The following APPL1 variants were observed in gnomAD, a reference collection of about 807,000 sequenced individuals.
The protein encoded by APPL1 is DCC-interacting protein 13-alpha.
APPL1 carries 42 observed loss-of-function variants against 106.8 expected under a neutral mutation model. The ratio of observed to expected loss-of-function variants is 0.39; its 90% confidence interval spans 0.31 to 0.51. The LOEUF (loss-of-function observed/expected upper bound fraction) is 0.51. APPL1 is among the 20% of genes least tolerant of loss of function. The pLI, the probability that APPL1 is intolerant of heterozygous loss-of-function variation, is 0.75. For missense variants in APPL1, 769 were observed against 858.2 expected (o/e 0.90, Z 1.30); for synonymous variants, 263 against 281.8 (o/e 0.93, Z 0.67).
chr3:57,240,413 G>GGTTAA, intron 4 of APPL1, 52 bp from the exon 5 acceptor site: 1 of 1,358,668 alleles, frequency 7.4e-7, no homozygotes, highest in Non-Finnish European at 1.1e-6. Context: ...ACATAACACT[G>GGTTAA]GTTAAATGTC....
chr3:57,244,392 G>T (rs745960828), intron 7 of APPL1, among the ~76,000 whole-genome samples: 1 of 152,172 alleles, frequency 6.6e-6, no homozygotes, highest in Non-Finnish European at 1.5e-5. Context: ...CTGACTTCAG[G>T]TGATCTGCCT....
intron 13 of APPL1, 77 bp from the exon 14 acceptor site, chr3:57,256,880 A>G (rs2060839405): frequency 8.8e-7 from 1 of 1,131,236 alleles, no homozygotes. Context: ...AAGCATTCTA[A>G]CAATTCAGAG....
chr3:57,227,846 G>GC lies in APPL1; in HGVS notation c.-37dup. 2.8e-6 allele frequency: 4 copies of GC among 1,443,384 alleles called. No homozygotes were observed. The South Asian group carries it at 5.3e-5, about 19-fold the overall frequency. 89.4% of individuals were successfully genotyped at this position (1,443,384 alleles called of 1,614,324 possible). A position where few individuals can be genotyped will look rare whatever the true frequency, so the allele number is the denominator to read the frequency against. ...GGGCCGGCGCGGGGAGCTGTGGGCG[G>GC]CAGCTGCGTCTCCTGCCACCGCCCT... On this transcript the variant is annotated 5_prime_UTR_variant, in exon 1 of 22. Transcript: ENST00000288266.
chr3:57,246,324 C>G (rs2060773890), intron 8 of APPL1, 102 bp downstream of exon 8: 5 of 841,902 alleles, frequency 5.9e-6, no homozygotes, highest in Non-Finnish European at 8.3e-6. Flanking sequence ...TTTTCAACAT[C>G]CTTGTTTATG....
chr3:57,248,442 G>T (rs1436857615), intron 10 of APPL1, 91 bp downstream of exon 10: 12 of 1,417,724 alleles, frequency 8.5e-6, no homozygotes, highest in Non-Finnish European at 1.1e-5. Context: ...GTCATATTTT[G>T]ATTTTTATTA....
At chr3:57,254,904 C>A (rs1179488292) in intron 13 of APPL1, among the ~76,000 whole-genome samples, 1 of 152,220 alleles carries the variant, frequency 6.6e-6, no homozygotes, top group Non-Finnish European at 1.5e-5. Context: ...GGATTACAGG[C>A]GTGAGCCACC....
intron 5 of APPL1, among the ~76,000 whole-genome samples, chr3:57,241,130 A>G (rs749916828): frequency 3.9e-5 from 6 of 152,308 alleles, no homozygotes; most frequent in Admixed American, 6.5e-5. Context: ...GGAGAAGCCA[A>G]TGGGGGTCTT....
rs1182369960 is a variant in APPL1, at chr3:57,269,552, A to T, written c.1995A>T (p.Glu665Asp). The stretch of plus-strand genomic sequence containing the variant: ...GTCTTTTCCACTAGGACTTGGAAGA[A>T]CAAAGTCGGTTGATAGCTGCTTCCA... ...KQKQIEKDLE[E>D]QSRLIAASSR... The change falls in exon 22 of 22, where the codon GAA becomes GAT. Residue 665 changes from glutamate to aspartate, a missense_variant. Glu to Asp is a conservative substitution (Grantham distance 45). Coordinates refer to ENST00000288266, the MANE Select transcript of APPL1 (RefSeq NM_012096.3). 3 of 1,613,898 alleles carry T rather than the reference A, an allele frequency of 1.9e-6. No individual in the cohort carries two copies. Among genetic ancestry groups the T allele is most frequent in the Non-Finnish European group, 2.5e-6 (3 of 1,179,944 alleles).
chr3:57,265,715 C>T (rs1019274350), intron 19 of APPL1, among the ~76,000 whole-genome samples: 2 of 151,968 alleles, frequency 1.3e-5, no homozygotes, highest in Admixed American at 6.6e-5. Context: ...AGTTTGACTT[C>T]TTCCTTTACA....
chr3:57,230,557 C>A (rs2060681156), intron 1 of APPL1, among the ~76,000 whole-genome samples: 1 of 151,980 alleles, frequency 6.6e-6, no homozygotes, highest in Non-Finnish European at 1.5e-5. Flanking sequence ...TTTTACATTC[C>A]AAATAAAAAC....
chr3:57,263,145 C>T (rs933381876), intron 19 of APPL1, among the ~76,000 whole-genome samples: 3 of 152,150 alleles, frequency 2.0e-5, no homozygotes, highest in Admixed American at 2.0e-4. Flanking sequence ...GCCACCTCGC[C>T]CAGCCAGGTG....
At chr3:57,234,380 C>T (rs1322463025) in intron 1 of APPL1, among the ~76,000 whole-genome samples, 2 of 149,086 alleles carry the variant, frequency 1.3e-5, no homozygotes, top group Admixed American at 1.3e-4. Context: ...TCACTGCAAG[C>T]TCCGCCTCCC....
intron 21 of APPL1, chr3:57,268,852 A>G (rs999362038): frequency 1.3e-5 from 2 of 153,184 alleles, no homozygotes; most frequent in Non-Finnish European, 2.9e-5. Context: ...GAAATATATA[A>G]TGAAATGTAT....
intron 4 of APPL1, 196 bp downstream of exon 4, chr3:57,238,312 C>G (rs1341356857): frequency 8.0e-6 from 4 of 499,950 alleles, no homozygotes; most frequent in Non-Finnish European, 1.4e-5. Context: ...AATAAACTTA[C>G]AGATGTGCTT....
At chr3:57,235,356 T>C (rs1359190098) in intron 1 of APPL1, among the ~76,000 whole-genome samples, 3 of 152,094 alleles carry the variant, frequency 2.0e-5, no homozygotes, top group Non-Finnish European at 4.4e-5. Flanking sequence ...TTGTGTGACA[T>C]AGTTGGAAAA....
intron 9 of APPL1, among the ~76,000 whole-genome samples, 185 bp downstream of exon 9, chr3:57,247,662 C>G (rs1164333997): frequency 6.6e-6 from 1 of 151,944 alleles, no homozygotes; most frequent in Non-Finnish European, 1.5e-5. Context: ...AGATTGTGAA[C>G]TTTGAATTTC....
intron 11 of APPL1, 70 bp from the exon 12 acceptor site, chr3:57,252,199 A>G: frequency 7.6e-7 from 1 of 1,323,788 alleles, no homozygotes; most frequent in Non-Finnish European, 1.1e-6. Flanking sequence ...TAAAGATTAA[A>G]AAGTTACCTC....
intron 13 of APPL1, among the ~76,000 whole-genome samples, chr3:57,254,881 TC>T (rs1183998360): frequency 6.6e-6 from 1 of 152,206 alleles, no homozygotes; most frequent in East Asian, 1.9e-4. Context: ...TGCCTCGGCC[TC>T]CCAAAGTGCT....
In APPL1 at chr3:57,250,199, G is replaced by A. The variant is rs1328384948; in HGVS notation, c.1052+651G>A. 2.0e-5 allele frequency among the ~76,000 whole-genome samples: 3 copies of A among 152,012 alleles called. No individual in the cohort carries two copies. The East Asian group carries it at 5.8e-4, about 29-fold the overall frequency. On this transcript the variant is annotated intron_variant, in intron 11 of 21. Coordinates refer to ENST00000288266, the MANE Select transcript of APPL1 (RefSeq NM_012096.3). ...TGTGTCTCCCTGGCTGCAGTGCAGT[G>A]GTGTAAACATGGCTCACTGTAGCCT...
Sources: gnomAD v4.1 joint callset for allele counts (sites outside exome capture counted in the v4.1 genomes callset) on GRCh38, gnomAD v4.1.1 for gene constraint, MANE v1.5 for transcripts, NCBI Gene and HGNC (gene_info 2026-07-23, HGNC 2026-07-21) for gene names.